Variants in NHSL1 observed in about 807,000 individuals in gnomAD.
The protein encoded by NHSL1 is NHS-like protein 1.
Under a neutral mutation model 95.0 loss-of-function variants are expected in NHSL1, and 48 were observed. The ratio of observed to expected loss-of-function variants is 0.51; its 90% CI spans 0.40 to 0.64. The LOEUF is 0.64. NHSL1 is among the 30% of genes least tolerant of loss of function. The probability of loss-of-function intolerance (pLI) is 0.00; values close to 1 mark genes in which losing one functional copy is unlikely to be tolerated. For missense variants in NHSL1, 1,971 were observed against 2,077.7 expected, an observed-to-expected ratio of 0.95 and a Z score of 1.00; for synonymous variants, 783 against 833.9, an observed-to-expected ratio of 0.94 and a Z score of 1.05.
upstream of NHSL1, among the ~76,000 whole-genome samples, chr6:138,501,724 C>T (rs992176282): frequency 2.6e-5 from 4 of 152,108 alleles, no homozygotes; most frequent in Non-Finnish European, 5.9e-5. Context: ...ATAAAGTGGC[C>T]GCAGTTGTTC....
At chr6:138,478,458 A>G (rs1779224812) in intron 2 of NHSL1, among the ~76,000 whole-genome samples, 1 of 152,110 alleles carries the variant, frequency 6.6e-6, no homozygotes, top group African/African-American at 2.4e-5. Flanking sequence ...TTCCAACTCT[A>G]GAGGAAATTC....
chr6:138,547,382 T>G (rs143509041), upstream of NHSL1, among the ~76,000 whole-genome samples: 16 of 151,624 alleles, frequency 1.1e-4, no homozygotes, highest in East Asian at 1.7e-3. Flanking sequence ...TAACGCTTCT[T>G]CTTCTTTTTT....
chr6:138,431,577 G>A lies in NHSL1; in HGVS notation c.2768C>T (p.Ala923Val). ...GSGTMKKLDP[A>V]VGSPPAPPPP... ...AGGAGGAGCCGGGGGAGAGCCCACG[G>A]CTGGATCCAGCTTCTTCATAGTGCC... The change falls in exon 6 of 8, where the codon GCC becomes GTC. Residue 923 changes from alanine to valine, a missense_variant. This residue lies in a region of NHSL1 where 1,602 missense variants were observed against 1,654.5 expected (regional missense o/e 0.97). Transcript: ENST00000343505. This position sits in a 1 kb window ranked among gnomAD's most constrained non-coding sequence, Gnocchi z 4.0. 1 of 1,551,528 alleles carries A rather than the reference G, an allele frequency of 6.4e-7. No individual in the cohort carries two copies. Among genetic ancestry groups the A allele is most frequent in the South Asian group, 1.2e-5 (1 of 84,026 alleles).
chr6:138,523,388 T>C (rs970556027), intron 1 of NHSL1, among the ~76,000 whole-genome samples: 3 of 152,040 alleles, frequency 2.0e-5, no homozygotes, highest in African/African-American at 4.8e-5. Context: ...TAGCTCACTA[T>C]AGCCTCGAAC....
intron 1 of NHSL1, among the ~76,000 whole-genome samples, chr6:138,513,955 T>C (rs1454839717): frequency 1.3e-5 from 2 of 152,172 alleles, no homozygotes; most frequent in Non-Finnish European, 2.9e-5. Context: ...ATGCAATTCA[T>C]ATTATTTTAT....
intron 3 of NHSL1, among the ~76,000 whole-genome samples, chr6:138,472,397 C>T (rs1778811464): frequency 6.6e-6 from 1 of 152,072 alleles, no homozygotes; most frequent in Non-Finnish European, 1.5e-5. Context: ...CAGATGCATG[C>T]CACAATGCCT....
At chr6:138,557,703 A>C (rs1185312403) in intron 1 of NHSL1, among the ~76,000 whole-genome samples, 1 of 152,220 alleles carries the variant, frequency 6.6e-6, no homozygotes, top group Non-Finnish European at 1.5e-5. Flanking sequence ...TTGAAGTGTC[A>C]TGAAGAGTGT....
chr6:138,468,662 T>A (rs547659744), intron 3 of NHSL1, among the ~76,000 whole-genome samples: 2 of 152,260 alleles, frequency 1.3e-5, no homozygotes, highest in South Asian at 2.1e-4. Flanking sequence ...GAAAAAATAG[T>A]CTTCCATGAA....
intron 1 of NHSL1, among the ~76,000 whole-genome samples, chr6:138,622,511 C>T (rs1242538829): frequency 5.3e-5 from 8 of 152,004 alleles, no homozygotes; most frequent in African/African-American, 9.7e-5. Flanking sequence ...AAACAATAAC[C>T]TTTTGGTTCC....
At chr6:138,615,009 A>G (rs1365715691) in intron 1 of NHSL1, among the ~76,000 whole-genome samples, 7 of 151,328 alleles carry the variant, frequency 4.6e-5, no homozygotes, top group Non-Finnish European at 8.8e-5. Context: ...ACTGCCCTAG[A>G]TCACAAAGCT....
At chr6:138,545,520 TTGATTTTTAC>T (rs1782755751) in intron 1 of NHSL1, 1 of 888,642 alleles carries the variant, frequency 1.1e-6, no homozygotes, top group Admixed American at 2.6e-5. Context: ...CCCTCAAACT[TTGATTTTTAC>T]TGGAATCAGC....
At chr6:138,541,002 T>C (rs1782556766) in intron 1 of NHSL1, among the ~76,000 whole-genome samples, 1 of 152,210 alleles carries the variant, frequency 6.6e-6, no homozygotes, top group African/African-American at 2.4e-5. Context: ...TTGAGGTCTG[T>C]GATGCTTATA....
At chr6:138,459,110 G>A (rs538357572) in intron 3 of NHSL1, among the ~76,000 whole-genome samples, 1 of 152,060 alleles carries the variant, frequency 6.6e-6, no homozygotes, top group Non-Finnish European at 1.5e-5. Context: ...TCCTCAGCCT[G>A]CCGAGTAGCT....
chr6:138,664,189 T>C (rs1425227163), intron 1 of NHSL1, among the ~76,000 whole-genome samples: 1 of 152,234 alleles, frequency 6.6e-6, no homozygotes, highest in Non-Finnish European at 1.5e-5. Flanking sequence ...TGCCAACCTC[T>C]CCTGGCTTTT....
intron 1 of NHSL1, among the ~76,000 whole-genome samples, chr6:138,605,737 G>C (rs1488301540): frequency 6.6e-6 from 1 of 152,198 alleles, no homozygotes; most frequent in Non-Finnish European, 1.5e-5. Flanking sequence ...ATATTCATCT[G>C]ATTAAGGTAA....
chr6:138,551,535 C>G (rs1583399314), intron 1 of NHSL1, among the ~76,000 whole-genome samples: 1 of 152,162 alleles, frequency 6.6e-6, no homozygotes. Context: ...ACATTTTACC[C>G]AAGTTTTAAT....
In NHSL1 at chr6:138,554,231, G is replaced by A. The variant is rs142972917; in HGVS notation, c.202+17479C>T. Among the ~76,000 whole-genome samples the A allele has an allele frequency of 2.8e-3, 427 of 152,320 alleles. 2 individuals carry two copies. Among genetic ancestry groups the A allele is most frequent in the African/African-American group, 9.6e-3 (399 of 41,566 alleles). Reference sequence around the variant, plus strand: ...ATAACCTCATAGGAAAGATACAACAGTAGGTCCTTTCACGTTGTGTATTTC... The same window carrying A: ...ATAACCTCATAGGAAAGATACAACAATAGGTCCTTTCACGTTGTGTATTTC... On this transcript the variant is annotated intron_variant, in intron 1 of 6. Transcript: ENST00000427025.
In NHSL1 at chr6:138,606,091, G is replaced by A. The variant is rs1436732538; in HGVS notation, c.96+86385C>T. Among the ~76,000 whole-genome samples, 5 of 152,140 alleles carry A rather than the reference G, an allele frequency of 3.3e-5. No individual in the cohort carries two copies. The East Asian group carries it at 7.7e-4, about 23-fold the overall frequency. On this transcript the variant is annotated intron_variant, in intron 1 of 3. Transcript: ENST00000491526. ...TTCACAAAACTGCAAAGTGCTTTGT[G>A]TATACAAGTTGTTCCTGCATTCTCA...
intron 1 of NHSL1, among the ~76,000 whole-genome samples, chr6:138,537,905 A>C (rs768197602): frequency 3.3e-5 from 5 of 152,164 alleles, no homozygotes; most frequent in Non-Finnish European, 7.3e-5. Flanking sequence ...CAGGCCGGCG[A>C]GAAGTCCAGA....
Sources: allele counts gnomAD v4.1 joint callset (sites outside exome capture counted in the v4.1 genomes callset), GRCh38; gene constraint gnomAD v4.1.1; regional missense constraint gnomAD v4.1.1; non-coding constraint Gnocchi (gnomAD v3.1); transcripts MANE v1.5; gene names NCBI Gene and HGNC (gene_info 2026-07-23, HGNC 2026-07-21).